The following PM20D1 variants were observed in gnomAD, a reference collection of about 807,000 sequenced individuals.
PM20D1 encodes N-fatty-acyl-amino acid synthase/hydrolase PM20D1.
In PM20D1, 53 loss-of-function variants were observed where a neutral mutation model predicts 53.8. The observed-to-expected ratio is 0.98, with a 90% CI of 0.79 to 1.24. The LOEUF (loss-of-function observed/expected upper bound fraction) is 1.24. Ranked by LOEUF, PM20D1 falls within the 50% of genes most tolerant of loss-of-function variation. The probability of loss-of-function intolerance (pLI) is 0.00; values close to 1 mark genes in which losing one functional copy is unlikely to be tolerated. For missense variants in PM20D1, 564 were observed against 616.8 expected, an observed-to-expected ratio of 0.91 and a Z score of 0.91; for synonymous variants, 239 against 241.3, an observed-to-expected ratio of 0.99 and a Z score of 0.09.
At chr1:205,832,941 A>G (rs1656596106) in intron 10 of PM20D1, among the ~76,000 whole-genome samples, 175 bp from the exon 11 acceptor site, 1 of 152,190 alleles carries the variant, frequency 6.6e-6, no homozygotes, top group Non-Finnish European at 1.5e-5. Context: ...TAGGTGATGT[A>G]AGAGCTGGGT....
chr1:205,834,031 A>G (rs1656628673), intron 10 of PM20D1, among the ~76,000 whole-genome samples: 1 of 151,526 alleles, frequency 6.6e-6, no homozygotes, highest in African/African-American at 2.4e-5. Context: ...TATTTTTAGT[A>G]GAGACTGGGT....
chr1:205,835,856 A>G (rs574198372), intron 10 of PM20D1, among the ~76,000 whole-genome samples: 13 of 151,762 alleles, frequency 8.6e-5, no homozygotes, highest in Non-Finnish European at 1.3e-4. Context: ...GAGCACACGA[A>G]TCTCTCATTT....
At chr1:205,840,216 CTGCA>C in intron 10 of PM20D1, 32 bp downstream of exon 10, 1 of 1,580,752 alleles carries the variant, frequency 6.3e-7, no homozygotes, top group Non-Finnish European at 8.7e-7. Context: ...CTCCCTGATG[CTGCA>C]TGAGTTGTTG....
Position 205,845,401 on chromosome 1 carries a change from A to T in PM20D1, c.413T>A (p.Val138Glu), listed in dbSNP as rs143000907. 1.9e-4 allele frequency: 310 copies of T among 1,614,096 alleles called. 2 individuals carry two copies. The highest frequency in any genetic ancestry group is 2.3e-4 in the Non-Finnish European group (268 of 1,180,022). Residue 138 changes from valine (V) to glutamate (E), a missense_variant, in exon 3 of 13, where the codon GTG becomes GAG. Physicochemically the swap from Val to Glu is moderately radical, Grantham distance 121. Transcript: ENST00000367136. Reference protein sequence around the residue: ...VVPAPEEGWEVPPFSGLERDG... With the variant: ...VVPAPEEGWEEPPFSGLERDG... Reference sequence around the variant, plus strand: ...ACGCTCCAACCCAGAGAATGGGGGCACCTCCCAGCCTTCTTCAGGGGCAGG... The same window carrying T: ...ACGCTCCAACCCAGAGAATGGGGGCTCCTCCCAGCCTTCTTCAGGGGCAGG...
intron 11 of PM20D1, among the ~76,000 whole-genome samples, chr1:205,831,068 C>CA (rs1656547628): frequency 1.3e-5 from 2 of 152,294 alleles, no homozygotes; most frequent in South Asian, 4.1e-4. Flanking sequence ...TTCCTAGAGT[C>CA]AAACCTTAGG....
In PM20D1 at chr1:205,849,977, C is replaced by A; in HGVS notation, c.96G>T (p.Glu32Asp). ...VSRSMGPRSG[E>D]HQRASRIPSQ... ...AAGGGATTCGCGACGCCCTTTGATG[C>A]TCCCCGCTCCTCGGGCCCATCGATC... Residue 32 changes from glutamate (E) to aspartate (D), a missense_variant, in exon 1 of 13, where the codon GAG becomes GAT. Physicochemically the swap from Glu to Asp is conservative, Grantham distance 45. Transcript: ENST00000367136. 6.2e-7 allele frequency: 1 copy of A among 1,614,180 alleles called. No individual in the cohort carries two copies. The highest frequency in any genetic ancestry group is 8.5e-7 in the Non-Finnish European group (1 of 1,180,020).
chr1:205,837,203 A>C (rs1242863542), intron 10 of PM20D1, among the ~76,000 whole-genome samples: 1 of 152,244 alleles, frequency 6.6e-6, no homozygotes, highest in Non-Finnish European at 1.5e-5. Flanking sequence ...TCTAGTCCAC[A>C]GTAGCTACCA....
In PM20D1 at chr1:205,844,175, A is replaced by C; in HGVS notation, c.619T>G (p.Ser207Ala). ...ATGAAGGCTAGCTGGACGCCCCTTG[A>C]CTGTAGCAGGGCTGAGATCCTCTGA... is the stretch of plus-strand genomic sequence containing the variant. ...GAQRISALLQSRGVQLAFIVD... is the reference protein window; with the variant it reads ...GAQRISALLQARGVQLAFIVD... The change falls in exon 5 of 13, where the codon TCA becomes GCA. Residue 207 changes from serine to alanine, a missense_variant. By Grantham distance (99) the Ser-to-Ala change is moderately conservative. Transcript: ENST00000367136. The C allele has an allele frequency of 1.2e-6, 2 of 1,613,916 alleles. No homozygotes were observed. The highest frequency in any genetic ancestry group is 1.7e-6 in the Non-Finnish European group (2 of 1,179,912).
intron 2 of PM20D1, among the ~76,000 whole-genome samples, chr1:205,847,655 A>C (rs931987903): frequency 3.3e-5 from 5 of 151,924 alleles, no homozygotes; most frequent in Admixed American, 1.3e-4. Flanking sequence ...TGTAGGGCAA[A>C]ATTTGAGAGA....
intron 1 of PM20D1, among the ~76,000 whole-genome samples, chr1:205,848,282 G>GT (rs1245349830): frequency 6.6e-6 from 1 of 152,142 alleles, no homozygotes; most frequent in South Asian, 2.1e-4. Flanking sequence ...TTTGGATCCT[G>GT]GTCTTGAAGG....
chr1:205,849,878 G>A (rs1657090711), intron 1 of PM20D1, 26 bp downstream of exon 1: 3 of 1,598,710 alleles, frequency 1.9e-6, no homozygotes, highest in Non-Finnish European at 2.6e-6. Flanking sequence ...TATGAGCATA[G>A]GTGGGTGAAG....
In PM20D1 at chr1:205,849,948, T is replaced by G. The variant is rs777560181; in HGVS notation, c.125A>C (p.Gln42Pro). The G allele has an allele frequency of 3.1e-6, 5 of 1,614,048 alleles. No individual in the cohort carries two copies. The South Asian group carries it at 5.5e-5, about 18-fold the overall frequency. The change falls in exon 1 of 13, where the codon CAG (glutamine) becomes CCG (proline). Residue 42 changes from glutamine (Q) to proline (P), a missense_variant. Physicochemically the swap from Gln to Pro is moderately conservative, Grantham distance 76. Transcript: ENST00000367136. ...EHQRASRIPS[Q>P]FSKEERVAMK... ...CGCGACGCGTTCCTCTTTGCTGAAC[T>G]GAGAAGGGATTCGCGACGCCCTTTG...
At chr1:205,839,955 C>A (rs1656769095) in intron 10 of PM20D1, among the ~76,000 whole-genome samples, 1 of 145,118 alleles carries the variant, frequency 6.9e-6, no homozygotes, top group African/African-American at 2.5e-5. Flanking sequence ...AAGAAAGGTG[C>A]CAAATACACA....
At chr1:205,836,203 C>A (rs1656683197) in intron 10 of PM20D1, among the ~76,000 whole-genome samples, 1 of 152,188 alleles carries the variant, frequency 6.6e-6, no homozygotes, top group African/African-American at 2.4e-5. Flanking sequence ...TCAGTGCATT[C>A]TCACAACCTT....
intron 6 of PM20D1, among the ~76,000 whole-genome samples, chr1:205,843,387 C>T (rs1418310927): frequency 6.6e-6 from 1 of 152,206 alleles, no homozygotes; most frequent in Non-Finnish European, 1.5e-5. Context: ...CCCCAACCCC[C>T]ACCTTGGAAG....
chr1:205,835,651 CAAAAAAAA>C (rs59126866), intron 10 of PM20D1, among the ~76,000 whole-genome samples: 1 of 55,558 alleles, frequency 1.8e-5, no homozygotes, highest in Non-Finnish European at 3.0e-5. Flanking sequence ...GACTCCGACT[CAAAAAAAA>C]AAAAAAAAAA....
intron 10 of PM20D1, among the ~76,000 whole-genome samples, chr1:205,838,003 C>T (rs1260141714): frequency 6.6e-6 from 1 of 152,088 alleles, no homozygotes; most frequent in African/African-American, 2.4e-5. Context: ...CCCCACTCCC[C>T]CAACCCCCTC....
chr1:205,833,732 C>A (rs1571668209), intron 10 of PM20D1, among the ~76,000 whole-genome samples: 4 of 152,326 alleles, frequency 2.6e-5, no homozygotes, highest in Admixed American at 2.6e-4. Flanking sequence ...TCCAAAGCTC[C>A]AGCACTAGTC....
intron 10 of PM20D1, 79 bp from the exon 11 acceptor site, chr1:205,832,845 TCTTTCC>T: frequency 6.9e-7 from 1 of 1,444,682 alleles, no homozygotes; most frequent in South Asian, 1.4e-5. Context: ...TATCCTGATT[TCTTTCC>T]AGCAAGGCAG....
Sources: gnomAD v4.1 joint callset for allele counts (sites outside exome capture counted in the v4.1 genomes callset) on GRCh38, gnomAD v4.1.1 for gene constraint, MANE v1.5 for transcripts, NCBI Gene and HGNC (gene_info 2026-07-23, HGNC 2026-07-21) for gene names.